Variants in RBMS3 observed in about 807,000 individuals in gnomAD.
The protein encoded by RBMS3 is RNA binding motif single stranded interacting protein 3.
RBMS3 carries 27 observed loss-of-function variants against 66.8 expected under a neutral mutation model. The ratio of observed to expected loss-of-function variants is 0.40; its 90% CI spans 0.30 to 0.56. The LOEUF (loss-of-function observed/expected upper bound fraction) is 0.56, where lower values mean the gene tolerates loss of function less well. Ranked by LOEUF, RBMS3 falls within the 20% of genes least tolerant of loss-of-function variation. The pLI is 0.40. For missense variants in RBMS3, 513 were observed against 549.5 expected (o/e 0.93, Z 0.66); for synonymous variants, 188 against 183.0 (o/e 1.03, Z -0.22).
chr3:29,359,106 G>A (rs1354759269), intron 1 of RBMS3, among the ~76,000 whole-genome samples: 5 of 152,112 alleles, frequency 3.3e-5, no homozygotes, highest in East Asian at 1.9e-4. Flanking sequence ...GGAGAGAGAG[G>A]GCATCCCTGT....
At chr3:29,775,164 C>T (rs1046674349) in intron 6 of RBMS3, among the ~76,000 whole-genome samples, 1 of 151,650 alleles carries the variant, frequency 6.6e-6, no homozygotes, top group Non-Finnish European at 1.5e-5. Flanking sequence ...TTTTGAGAAC[C>T]TACGTATGTT....
chr3:29,947,486 G>C (rs756682348), intron 12 of RBMS3, among the ~76,000 whole-genome samples: 28 of 151,522 alleles, frequency 1.8e-4, no homozygotes, highest in Admixed American at 6.6e-4. Context: ...TCAAAAGAAA[G>C]AAGGAAGCTT....
At position 29,388,102 on chromosome 3, in the gene RBMS3, CACACACACAT is replaced by C. The variant is rs1331507363; in HGVS notation, c.76-46640_76-46631del. Among the ~76,000 whole-genome samples, 4 of 149,382 alleles carry C rather than the reference CACACACACAT, an allele frequency of 2.7e-5. No homozygotes were observed. In the South Asian group the frequency reaches 6.2e-4, roughly 23 times the overall value. On this transcript the variant is annotated intron_variant, in intron 1 of 14. Transcript: ENST00000383767. Reference sequence around the variant, plus strand: ...ACACACAGACACACACACACACACACACACACACATGTGTGTGTATGTATATATGTGTATA... The same window carrying C: ...ACACACAGACACACACACACACACACGTGTGTGTATGTATATATGTGTATA...
At chr3:29,500,498 G>A (rs375684145) in intron 3 of RBMS3, among the ~76,000 whole-genome samples, 1 of 151,072 alleles carries the variant, frequency 6.6e-6, no homozygotes, top group East Asian at 1.9e-4. Flanking sequence ...ACATAATGAT[G>A]TTTTGGTCAT....
chr3:29,526,691 A>G (rs1328814187), intron 3 of RBMS3, among the ~76,000 whole-genome samples: 2 of 151,986 alleles, frequency 1.3e-5, no homozygotes, highest in Non-Finnish European at 2.9e-5. Context: ...CTGGACAGCT[A>G]AACTCTGCCT....
At chr3:29,933,509 G>A (rs2149684279) in intron 10 of RBMS3, among the ~76,000 whole-genome samples, 1 of 152,126 alleles carries the variant, frequency 6.6e-6, no homozygotes, top group South Asian at 2.1e-4. Flanking sequence ...TTTACTCCCT[G>A]ACTGTACATT....
chr3:29,978,358 A>T (rs1697735929), intron 12 of RBMS3, among the ~76,000 whole-genome samples: 1 of 152,200 alleles, frequency 6.6e-6, no homozygotes, highest in Admixed American at 6.5e-5. Context: ...GTCTTAAGGG[A>T]CATAAAACTC....
At position 29,301,075 on chromosome 3, in the gene RBMS3, A is replaced by G. The variant is rs556656387; in HGVS notation, c.75+19319A>G. On this transcript the variant is annotated intron_variant, in intron 1 of 14. Coordinates refer to ENST00000383767, the MANE Select transcript of RBMS3 (RefSeq NM_001003793.3). ...AAGACATTAATCCAGGTTTAAATAT[A>G]TTAATTATGTAACAATGAGGTATCC... 2.6e-5 allele frequency among the ~76,000 whole-genome samples: 4 copies of G among 152,056 alleles called. No individual in the cohort carries two copies. In the South Asian group the frequency reaches 8.3e-4, roughly 32 times the overall value.
intron 1 of RBMS3, among the ~76,000 whole-genome samples, chr3:29,378,797 T>C (rs2125618814): frequency 6.6e-6 from 1 of 152,298 alleles, no homozygotes; most frequent in Middle Eastern, 3.4e-3. Flanking sequence ...ACGATTTTTT[T>C]CCAGTGATCA....
chr3:29,326,635 C>T (rs2035351166), intron 1 of RBMS3, among the ~76,000 whole-genome samples: 1 of 151,960 alleles, frequency 6.6e-6, no homozygotes, highest in South Asian at 2.1e-4. Flanking sequence ...CTTGGTTATC[C>T]TTGTATTCCC....
rs574772936 is a variant in RBMS3 at position 29,541,471 on chromosome 3, A to C, written c.308-45643A>C. ...ATGCCCTTCCCACCACAGTATAGCA[A>C]ACAACAAAGCCCACTGGTCTTAATT... On this transcript the variant is annotated intron_variant, in intron 3 of 14. Transcript: ENST00000383767. 2.0e-5 allele frequency among the ~76,000 whole-genome samples: 3 copies of C among 152,238 alleles called. No homozygotes were observed. The South Asian group carries it at 6.2e-4, about 32-fold the overall frequency.
chr3:29,570,311 TCC>T (rs969770884), intron 3 of RBMS3, among the ~76,000 whole-genome samples: 10 of 152,168 alleles, frequency 6.6e-5, no homozygotes, highest in African/African-American at 2.4e-4. Context: ...CAAGCATTTA[TCC>T]TTTGTTTTAT....
At chr3:29,975,054 AAATATGTTT>A (rs1697483886) in intron 12 of RBMS3, among the ~76,000 whole-genome samples, 1 of 111,174 alleles carries the variant, frequency 9.0e-6, no homozygotes, top group African/African-American at 3.6e-5. Flanking sequence ...TTTATATATA[AAATATGTTT>A]CTATATATAT....
chr3:29,636,925 A>G (rs1017467812), intron 4 of RBMS3, among the ~76,000 whole-genome samples: 1 of 151,904 alleles, frequency 6.6e-6, no homozygotes, highest in Non-Finnish European at 1.5e-5. Flanking sequence ...TATGCAAAGT[A>G]GCAAATGGGT....
At chr3:29,593,226 G>T (rs1452711654) in intron 4 of RBMS3, among the ~76,000 whole-genome samples, 1 of 152,070 alleles carries the variant, frequency 6.6e-6, no homozygotes, top group African/African-American at 2.4e-5. Context: ...TGCAACTATT[G>T]GCCTCATAAT....
At chr3:29,629,049 C>A (rs913482527) in intron 4 of RBMS3, among the ~76,000 whole-genome samples, 1 of 151,994 alleles carries the variant, frequency 6.6e-6, no homozygotes. Flanking sequence ...AGTGCATATG[C>A]AGGCCATCAT....
intron 12 of RBMS3, among the ~76,000 whole-genome samples, chr3:29,962,400 C>T (rs762826719): frequency 6.6e-6 from 1 of 151,890 alleles, no homozygotes. Context: ...CATTCCTCAT[C>T]TCTTGGTCTG....
chr3:29,774,024 T>C (rs949906573), intron 6 of RBMS3, among the ~76,000 whole-genome samples: 2 of 152,078 alleles, frequency 1.3e-5, no homozygotes, highest in African/African-American at 4.8e-5. Flanking sequence ...TTTCAAAGTC[T>C]GTTTCTGGTG....
intron 12 of RBMS3, among the ~76,000 whole-genome samples, chr3:29,959,947 C>G (rs1275561139): frequency 1.3e-5 from 2 of 151,988 alleles, no homozygotes; most frequent in African/African-American, 4.8e-5. Context: ...TGGGGACATA[C>G]CCAAACCATA....
Sources: allele counts gnomAD v4.1 joint callset (sites outside exome capture counted in the v4.1 genomes callset), GRCh38; gene constraint gnomAD v4.1.1; transcripts MANE v1.5; gene names NCBI Gene and HGNC (gene_info 2026-07-23, HGNC 2026-07-21).